Variants in PAK5 observed in about 807,000 individuals in gnomAD.
The protein encoded by PAK5 is p21 (RAC1) activated kinase 5.
PAK5 carries 16 observed loss-of-function variants against 65.9 expected under a neutral mutation model. The ratio of observed to expected loss-of-function variants is 0.24; its 90% CI spans 0.16 to 0.37. The LOEUF (loss-of-function observed/expected upper bound fraction) is 0.37. PAK5 is among the 10% of genes least tolerant of loss of function. PAK5 has a pLI of 1.00. For missense variants in PAK5, 785 were observed against 903.9 expected, an observed-to-expected ratio of 0.87 and a Z score of 1.69; for synonymous variants, 371 against 354.9, an observed-to-expected ratio of 1.05 and a Z score of -0.51.
chr20:9,829,917 T>C (rs1357735397), intron 1 of PAK5, among the ~76,000 whole-genome samples: 1 of 152,186 alleles, frequency 6.6e-6, no homozygotes, highest in African/African-American at 2.4e-5. Flanking sequence ...CTTTCTACCA[T>C]GGCCTCCAGC....
chr20:9,706,580 G>C (rs2048010777), intron 2 of PAK5, among the ~76,000 whole-genome samples: 3 of 150,846 alleles, frequency 2.0e-5, no homozygotes, highest in Admixed American at 6.6e-5. Context: ...CCAGGCTCAA[G>C]TGATCCTCCC....
intron 4 of PAK5, among the ~76,000 whole-genome samples, chr20:9,567,332 C>T (rs2045699649): frequency 6.6e-6 from 1 of 152,186 alleles, no homozygotes; most frequent in African/African-American, 2.4e-5. Context: ...TATCACTCTA[C>T]TGGGTGTAAA....
At chr20:9,765,246 T>G (rs2048744239) in intron 1 of PAK5, among the ~76,000 whole-genome samples, 1 of 152,178 alleles carries the variant, frequency 6.6e-6, no homozygotes, top group Non-Finnish European at 1.5e-5. Context: ...GGATTTTTTT[T>G]AACCACAGTA....
At chr20:9,611,243 T>C (rs905776778) in intron 3 of PAK5, among the ~76,000 whole-genome samples, 2 of 152,182 alleles carry the variant, frequency 1.3e-5, no homozygotes, top group Admixed American at 6.5e-5. Flanking sequence ...TTATTTTAAG[T>C]GGAGGCAATT....
intron 1 of PAK5, among the ~76,000 whole-genome samples, chr20:9,720,325 A>G (rs1442316542): frequency 1.3e-5 from 2 of 152,206 alleles, no homozygotes; most frequent in Non-Finnish European, 1.5e-5. Flanking sequence ...GGAAGGAGCT[A>G]TGACCAAAAA....
At chr20:9,545,197 A>G (rs2122896844) in intron 7 of PAK5, among the ~76,000 whole-genome samples, 1 of 152,270 alleles carries the variant, frequency 6.6e-6, no homozygotes, top group Non-Finnish European at 1.5e-5. Context: ...GTGTATATAC[A>G]TGTTATTTAC....
intron 2 of PAK5, among the ~76,000 whole-genome samples, chr20:9,656,140 C>T (rs1026643935): frequency 6.6e-6 from 1 of 152,162 alleles, no homozygotes; most frequent in Non-Finnish European, 1.5e-5. Flanking sequence ...AGCCTAGATA[C>T]TTTCCTTTCC....
intron 1 of PAK5, among the ~76,000 whole-genome samples, chr20:9,795,895 G>A (rs965606691): frequency 5.3e-5 from 8 of 151,966 alleles, no homozygotes; most frequent in Admixed American, 2.0e-4. Flanking sequence ...TCTATATGAG[G>A]TTTAGCAATT....
intron 1 of PAK5, among the ~76,000 whole-genome samples, chr20:9,791,223 A>G (rs1433294568): frequency 6.6e-6 from 1 of 152,150 alleles, no homozygotes; most frequent in Non-Finnish European, 1.5e-5. Flanking sequence ...CATACACTCC[A>G]AAATCCCTGC....
rs1184328565 is a variant in PAK5 at position 9,787,624 on chromosome 20, T to C, written c.-162+51138A>G. ...TCTGCATGGCTATGAAAAGGATGTG[T>C]GTGTGTGTGTGTGTGTGTGTGTGTG... On this transcript the variant is annotated intron_variant, in intron 1 of 9. Coordinates refer to ENST00000353224, the MANE Select transcript of PAK5 (RefSeq NM_177990.4). Among the ~76,000 whole-genome samples, 3 of 35,630 alleles carry C rather than the reference T, an allele frequency of 8.4e-5. No individual in the cohort carries two copies. The East Asian group carries it at 2.3e-3, about 27-fold the overall frequency. The allele number at this position is 35,630 out of a possible 152,430, so 23.4% of individuals were successfully genotyped here. A position where few individuals can be genotyped will look rare whatever the true frequency, so the allele number is the denominator to read the frequency against.
chr20:9,832,700 T>C (rs1325482442), intron 1 of PAK5, among the ~76,000 whole-genome samples: 1 of 152,236 alleles, frequency 6.6e-6, no homozygotes, highest in Non-Finnish European at 1.5e-5. Context: ...ATTTTTTGTA[T>C]TTTTTACTTT....
At position 9,838,589 on chromosome 20, in the gene PAK5, T is replaced by A. The variant is rs1979347835; in HGVS notation, c.-162+173A>T. On this transcript the variant is annotated intron_variant, in intron 1 of 9. Coordinates refer to ENST00000353224, the MANE Select transcript of PAK5 (RefSeq NM_177990.4). This position sits in a 1 kb window ranked among gnomAD's most constrained non-coding sequence, Gnocchi z 4.5. ...CTATCCCTACCCTCCAGGCAGCAGG[T>A]CCCTAGCCTTTGCATCTCCTAGGAG... 6.6e-6 allele frequency among the ~76,000 whole-genome samples: 1 copy of A among 152,096 alleles called. No homozygotes were observed. The highest frequency in any genetic ancestry group is 6.5e-5 in the Admixed American group (1 of 15,280).
At chr20:9,820,644 C>T (rs961025950) in intron 1 of PAK5, among the ~76,000 whole-genome samples, 1 of 152,162 alleles carries the variant, frequency 6.6e-6, no homozygotes, top group African/African-American at 2.4e-5. Flanking sequence ...CCTGCCTCTT[C>T]CAGTCCAATG....
intron 1 of PAK5, among the ~76,000 whole-genome samples, chr20:9,745,998 A>C (rs2048503676): frequency 6.6e-6 from 1 of 152,188 alleles, no homozygotes; most frequent in Non-Finnish European, 1.5e-5. Flanking sequence ...CAAAGAGAAG[A>C]AAGTTTTAAA....
intron 1 of PAK5, among the ~76,000 whole-genome samples, chr20:9,825,514 T>C (rs2049473763): frequency 6.6e-6 from 1 of 152,196 alleles, no homozygotes; most frequent in Admixed American, 6.6e-5. Flanking sequence ...GATACCATCC[T>C]TTTGCGTTTT....
At chr20:9,829,579 A>G (rs963253002) in intron 1 of PAK5, among the ~76,000 whole-genome samples, 4 of 152,194 alleles carry the variant, frequency 2.6e-5, no homozygotes, top group Admixed American at 2.6e-4. Context: ...TTTTTCTTAT[A>G]ATCTACATTG....
In PAK5 at chr20:9,707,765, G is replaced by A. The variant is rs139272431; in HGVS notation, c.-12+3521C>T. Among the ~76,000 whole-genome samples, 11 of 152,202 alleles carry A rather than the reference G, an allele frequency of 7.2e-5. No homozygotes were observed. In the East Asian group the frequency reaches 2.1e-3, roughly 29 times the overall value. ...GGCTAGCCTGCTGGAGAAGTGAGTT[G>A]CCCTAGCCACATCCAGTCAAGCACC... On this transcript the variant is annotated intron_variant, in intron 2 of 9. Coordinates refer to ENST00000353224, the MANE Select transcript of PAK5 (RefSeq NM_177990.4).
intron 7 of PAK5, among the ~76,000 whole-genome samples, chr20:9,552,557 A>T (rs2045444691): frequency 6.6e-6 from 1 of 152,122 alleles, no homozygotes; most frequent in Non-Finnish European, 1.5e-5. Flanking sequence ...CAAATTAGTG[A>T]CTCGTTAGAT....
intron 3 of PAK5, among the ~76,000 whole-genome samples, chr20:9,615,745 T>A (rs1173722115): frequency 1.3e-5 from 2 of 152,200 alleles, no homozygotes; most frequent in East Asian, 1.9e-4. Context: ...CAGTTGTCGA[T>A]CACTGTAGTC....
Sources: gnomAD v4.1 joint callset for allele counts (sites outside exome capture counted in the v4.1 genomes callset) on GRCh38, gnomAD v4.1.1 for gene constraint, Gnocchi (gnomAD v3.1) non-coding constraint, MANE v1.5 for transcripts, NCBI Gene and HGNC (gene_info 2026-07-23, HGNC 2026-07-21) for gene names.